CPNE8: variants seen among roughly 807,000 people sequenced by gnomAD.
The protein encoded by CPNE8 is copine-8.
Under a neutral mutation model 81.5 loss-of-function variants are expected in CPNE8, and 45 were observed. The ratio of observed to expected loss-of-function variants is 0.55; its 90% CI spans 0.44 to 0.71. The LOEUF (loss-of-function observed/expected upper bound fraction) is 0.71. Ranked by LOEUF, CPNE8 falls within the 30% of genes least tolerant of loss-of-function variation. The pLI is 0.00. For synonymous variants in CPNE8, 252 were observed against 226.3 expected (o/e 1.11, Z -1.02); for missense variants, 594 against 672.1 (o/e 0.88, Z 1.28).
chr12:38,760,280 C>A (rs1162533518), intron 10 of CPNE8, among the ~76,000 whole-genome samples: 1 of 151,648 alleles, frequency 6.6e-6, no homozygotes, highest in Non-Finnish European at 1.5e-5. Flanking sequence ...ACAGTAGAAA[C>A]AAAATATGCT....
At chr12:38,852,648 C>T (rs1247570723) in intron 3 of CPNE8, among the ~76,000 whole-genome samples, 1 of 151,906 alleles carries the variant, frequency 6.6e-6, no homozygotes, top group Non-Finnish European at 1.5e-5. Context: ...CCCCACTAGA[C>T]AGTAAGCTTC....
intron 7 of CPNE8, among the ~76,000 whole-genome samples, chr12:38,772,572 C>T (rs1014793184): frequency 6.6e-5 from 10 of 152,080 alleles, no homozygotes; most frequent in South Asian, 2.1e-4. Context: ...GATTAGCTCA[C>T]GCCTGTTAGA....
At chr12:38,859,072 C>G (rs910810900) in intron 3 of CPNE8, among the ~76,000 whole-genome samples, 2 of 151,742 alleles carry the variant, frequency 1.3e-5, no homozygotes, top group African/African-American at 4.8e-5. Context: ...CACTTCTAAT[C>G]GACATAGTAT....
chr12:38,818,019 C>T (rs903566676), intron 6 of CPNE8, among the ~76,000 whole-genome samples: 1 of 152,134 alleles, frequency 6.6e-6, no homozygotes, highest in African/African-American at 2.4e-5. Context: ...TTTTCAGAAT[C>T]TTGTCTCAGT....
In CPNE8 at chr12:38,781,446, A is replaced by G. The variant is rs540727170; in HGVS notation, c.408-5145T>C. On this transcript the variant is annotated intron_variant, in intron 6 of 19. Transcript: ENST00000331366. Reference sequence around the variant, plus strand: ...AAAAATTCAAAAGAAAAGAATGGAAAGATATCTCAGAAAATAAAACTAATT... The same window carrying G: ...AAAAATTCAAAAGAAAAGAATGGAAGGATATCTCAGAAAATAAAACTAATT... Among the ~76,000 whole-genome samples, 7 of 152,220 alleles carry G rather than the reference A, an allele frequency of 4.6e-5. No individual in the cohort carries two copies. The East Asian group carries it at 1.3e-3, about 29-fold the overall frequency.
intron 6 of CPNE8, among the ~76,000 whole-genome samples, chr12:38,823,869 C>G (rs973665254): frequency 6.6e-6 from 1 of 152,102 alleles, no homozygotes; most frequent in African/African-American, 2.4e-5. Flanking sequence ...AAATTGGATA[C>G]AATCTCACAG....
Position 38,832,350 on chromosome 12 carries a change from T to C in CPNE8, c.331-2895A>G, listed in dbSNP as rs553339150. On this transcript the variant is annotated intron_variant, in intron 5 of 19. Transcript: ENST00000331366. Reference sequence around the variant, plus strand: ...AAAACTAAGTCAGAAGTCATTTCCTTTTCCAGCTCCACCAGCGCAGGGCAA... The same window carrying C: ...AAAACTAAGTCAGAAGTCATTTCCTCTTCCAGCTCCACCAGCGCAGGGCAA... Among the ~76,000 whole-genome samples, 3 of 152,296 alleles carry C rather than the reference T, an allele frequency of 2.0e-5. No homozygotes were observed. In the East Asian group the frequency reaches 5.8e-4, roughly 29 times the overall value.
intron 6 of CPNE8, among the ~76,000 whole-genome samples, chr12:38,790,987 TC>T (rs1942309252): frequency 6.6e-6 from 1 of 151,774 alleles, no homozygotes; most frequent in African/African-American, 2.4e-5. Flanking sequence ...GAAGTTTTCT[TC>T]TTTCACAGCA....
At chr12:38,695,385 C>T (rs1939770480) in intron 14 of CPNE8, among the ~76,000 whole-genome samples, 1 of 152,160 alleles carries the variant, frequency 6.6e-6, no homozygotes, top group Non-Finnish European at 1.5e-5. Context: ...AACCAACTTC[C>T]GGGCTAATGT....
intron 10 of CPNE8, among the ~76,000 whole-genome samples, chr12:38,752,258 A>G (rs749741003): frequency 1.3e-5 from 2 of 152,160 alleles, no homozygotes; most frequent in Non-Finnish European, 2.9e-5. Context: ...TATGGCTACG[A>G]TCTCTCCAGT....
chr12:38,744,372 A>C (rs1414438756), intron 10 of CPNE8, among the ~76,000 whole-genome samples: 1 of 152,216 alleles, frequency 6.6e-6, no homozygotes, highest in African/African-American at 2.4e-5. Context: ...AAAAGCTAAT[A>C]TTAGAATTTT....
At chr12:38,856,627 T>C (rs766508921) in intron 3 of CPNE8, among the ~76,000 whole-genome samples, 13 of 152,164 alleles carry the variant, frequency 8.5e-5, no homozygotes, top group African/African-American at 1.7e-4. Context: ...TAAAATAAAT[T>C]TGACAGTAGT....
chr12:38,760,321 T>C (rs1220515073), intron 10 of CPNE8, among the ~76,000 whole-genome samples: 1 of 151,830 alleles, frequency 6.6e-6, no homozygotes, highest in Admixed American at 6.6e-5. Context: ...TTCCTCTCTT[T>C]TAGTCTTTAA....
intron 6 of CPNE8, among the ~76,000 whole-genome samples, chr12:38,787,971 A>AG (rs1279333917): frequency 2.3e-5 from 2 of 87,988 alleles, no homozygotes; most frequent in South Asian, 4.8e-4. Flanking sequence ...AAAGTCTCCC[A>AG]GAAAAAAAAA....
intron 18 of CPNE8, 39 bp downstream of exon 18, chr12:38,675,678 T>A (rs772812928): frequency 7.9e-7 from 1 of 1,272,638 alleles, no homozygotes; most frequent in Non-Finnish European, 1.1e-6. Flanking sequence ...TTAGATTAAA[T>A]GAACTCCCAA....
chr12:38,760,909 C>T, intron 9 of CPNE8, 21 bp from the exon 10 acceptor site: 1 of 1,529,056 alleles, frequency 6.5e-7, no homozygotes, highest in African/African-American at 1.4e-5. Flanking sequence ...GAAAAACATA[C>T]ACATAAAGTT....
At chr12:38,897,155 C>T (rs1319947659) in intron 1 of CPNE8, among the ~76,000 whole-genome samples, 1 of 152,082 alleles carries the variant, frequency 6.6e-6, no homozygotes, top group Non-Finnish European at 1.5e-5. Flanking sequence ...TTTCTTGCTG[C>T]TATACTCTGC....
At chr12:38,658,789 C>T (rs1188880871) in intron 19 of CPNE8, among the ~76,000 whole-genome samples, 1 of 152,082 alleles carries the variant, frequency 6.6e-6, no homozygotes, top group Admixed American at 6.6e-5. Flanking sequence ...ATTTCATATC[C>T]AGCCAAACTA....
chr12:38,786,433 G>A (rs1214107756), intron 6 of CPNE8, among the ~76,000 whole-genome samples: 1 of 152,112 alleles, frequency 6.6e-6, no homozygotes, highest in Non-Finnish European at 1.5e-5. Context: ...TGTAAAGAGA[G>A]ACCGGCCTAA....
Sources: gnomAD v4.1 joint callset for allele counts (sites outside exome capture counted in the v4.1 genomes callset) on GRCh38, gnomAD v4.1.1 for gene constraint, MANE v1.5 for transcripts, NCBI Gene and HGNC (gene_info 2026-07-23, HGNC 2026-07-21) for gene names.